The following NKAIN3 variants were observed in gnomAD, a reference collection of about 807,000 sequenced individuals.
NKAIN3 encodes the protein sodium/potassium transporting ATPase interacting 3.
A neutral mutation model predicts 30.2 loss-of-function variants in NKAIN3; 25 were observed. That is an observed-to-expected ratio of 0.83 (90% CI 0.60 to 1.16). The LOEUF is 1.16. Ranked by LOEUF, NKAIN3 falls within the 50% of genes most tolerant of loss-of-function variation. NKAIN3 has a pLI of 0.00. For missense variants in NKAIN3, 225 were observed against 254.1 expected (o/e 0.89, Z 0.78); for synonymous variants, 91 against 89.6 (o/e 1.02, Z -0.09).
At chr8:62,760,137 A>G (rs894909221) in intron 4 of NKAIN3, among the ~76,000 whole-genome samples, 1 of 152,134 alleles carries the variant, frequency 6.6e-6, no homozygotes, top group African/African-American at 2.4e-5. Flanking sequence ...CAGATGCTGG[A>G]GATGATGTGG....
chr8:62,947,848 C>A (rs1823168619), intron 5 of NKAIN3, among the ~76,000 whole-genome samples: 1 of 152,200 alleles, frequency 6.6e-6, no homozygotes, highest in African/African-American at 2.4e-5. Flanking sequence ...GAATGCACCA[C>A]CTCAGAAGCT....
chr8:62,875,405 G>A (rs924724782), intron 4 of NKAIN3, among the ~76,000 whole-genome samples: 2 of 152,016 alleles, frequency 1.3e-5, no homozygotes, highest in African/African-American at 4.8e-5. Context: ...ACTACCAAAA[G>A]TAATCTATAG....
intron 1 of NKAIN3, among the ~76,000 whole-genome samples, chr8:62,436,130 A>G (rs1322302905): frequency 6.6e-6 from 1 of 152,220 alleles, no homozygotes; most frequent in Non-Finnish European, 1.5e-5. Context: ...ACAAGTTGTC[A>G]GACTGCTCTC....
intron 1 of NKAIN3, among the ~76,000 whole-genome samples, chr8:62,534,765 C>A (rs1808600212): frequency 6.6e-6 from 1 of 152,048 alleles, no homozygotes; most frequent in Admixed American, 6.6e-5. Context: ...AACCACTGGT[C>A]TAGCAGAGAC....
Position 62,967,053 on chromosome 8 carries a change from T to C in NKAIN3, c.*1646T>C, listed in dbSNP as rs773397915. 3.9e-5 allele frequency among the ~76,000 whole-genome samples: 6 copies of C among 152,190 alleles called. No individual in the cohort carries two copies. The highest frequency in any genetic ancestry group is 7.3e-5 in the Non-Finnish European group (5 of 68,028). On this transcript the variant is annotated 3_prime_UTR_variant, in exon 7 of 7. Coordinates refer to ENST00000623646, the MANE Select transcript of NKAIN3 (RefSeq NM_001304533.3). ...CTCCAGATTTTACCCCTTTAATCCA[T>C]TGGTACCCACAAACTCCCATTACTT...
chr8:62,359,186 T>A (rs1816462514), intron 1 of NKAIN3, among the ~76,000 whole-genome samples: 1 of 152,088 alleles, frequency 6.6e-6, no homozygotes, highest in African/African-American at 2.4e-5. Flanking sequence ...CGTATCAAAA[T>A]ATATATATTA....
chr8:62,995,377 T>TAAG (rs1804085760), intron 5 of NKAIN3, among the ~76,000 whole-genome samples: 1 of 152,166 alleles, frequency 6.6e-6, no homozygotes, highest in African/African-American at 2.4e-5. Context: ...TAAACAAGGC[T>TAAG]AAGAAGCAAG....
intron 4 of NKAIN3, among the ~76,000 whole-genome samples, chr8:62,748,331 G>A (rs1438591063): frequency 6.6e-6 from 1 of 152,058 alleles, no homozygotes; most frequent in Non-Finnish European, 1.5e-5. Context: ...CATGCACATG[G>A]CTTCTCTTTC....
At chr8:62,558,940 G>T (rs914721091) in intron 1 of NKAIN3, among the ~76,000 whole-genome samples, 3 of 151,976 alleles carry the variant, frequency 2.0e-5, no homozygotes, top group African/African-American at 7.2e-5. Flanking sequence ...TTTGAAGATA[G>T]CTTAATTAGA....
At chr8:62,849,713 T>C (rs1819821711) in intron 4 of NKAIN3, among the ~76,000 whole-genome samples, 1 of 151,262 alleles carries the variant, frequency 6.6e-6, no homozygotes, top group Non-Finnish European at 1.5e-5. Flanking sequence ...TGTTTGGTTT[T>C]TTGTCCTTCC....
chr8:62,736,332 T>G (rs1305143205), intron 3 of NKAIN3, among the ~76,000 whole-genome samples: 1 of 152,054 alleles, frequency 6.6e-6, no homozygotes, highest in African/African-American at 2.4e-5. Flanking sequence ...GAGGTCAAAC[T>G]CTCCTTGGGC....
chr8:62,627,331 T>C (rs910128112), intron 3 of NKAIN3, among the ~76,000 whole-genome samples: 1 of 152,172 alleles, frequency 6.6e-6, no homozygotes, highest in Non-Finnish European at 1.5e-5. Flanking sequence ...ATCATTCAAA[T>C]GCTTATGTCC....
At chr8:62,442,655 T>G (rs1805362809) in intron 1 of NKAIN3, among the ~76,000 whole-genome samples, 2 of 151,882 alleles carry the variant, frequency 1.3e-5, no homozygotes, top group Admixed American at 6.6e-5. Flanking sequence ...ATTTTTTATG[T>G]TTTTTATAAT....
intron 1 of NKAIN3, among the ~76,000 whole-genome samples, chr8:62,504,263 A>T (rs1807561600): frequency 6.6e-6 from 1 of 152,174 alleles, no homozygotes; most frequent in Non-Finnish European, 1.5e-5. Context: ...CTTCCACAAA[A>T]CCAGTCCGTA....
intron 1 of NKAIN3, among the ~76,000 whole-genome samples, chr8:62,413,692 A>G (rs1563387810): frequency 2.0e-5 from 3 of 152,160 alleles, no homozygotes; most frequent in Admixed American, 1.3e-4. Context: ...TTTTCTTCAT[A>G]AAGAAAATGT....
chr8:62,919,227 ATTTTTTTTTTTTTTT>A (rs71255371), intron 5 of NKAIN3, among the ~76,000 whole-genome samples: 2 of 47,188 alleles, frequency 4.2e-5, no homozygotes, highest in East Asian at 6.2e-4. Flanking sequence ...TACTTTCAAA[ATTTTTTTTTTTTTTT>A]TTTTTTTTTT....
At chr8:62,627,361 A>T (rs1439037485) in intron 3 of NKAIN3, among the ~76,000 whole-genome samples, 1 of 152,092 alleles carries the variant, frequency 6.6e-6, no homozygotes, top group Non-Finnish European at 1.5e-5. Context: ...CTAAGTGCTT[A>T]TTTACAGCCT....
intron 1 of NKAIN3, among the ~76,000 whole-genome samples, chr8:62,497,579 T>C (rs535361496): frequency 6.6e-6 from 1 of 152,038 alleles, no homozygotes; most frequent in Non-Finnish European, 1.5e-5. Context: ...TGGTTCCAGG[T>C]GTATTTTCAA....
rs71559381 is a variant in NKAIN3 at position 62,883,457 on chromosome 8, GT to G, written c.472-34980del. On this transcript the variant is annotated intron_variant, in intron 4 of 6. Coordinates refer to ENST00000623646, the MANE Select transcript of NKAIN3 (RefSeq NM_001304533.3). ...TTTATTATTTCCAGGAGTTTTATGG[GT>G]TTTTTTTTTTTTTTTCAGATTTTCT... Among the ~76,000 whole-genome samples the G allele has an allele frequency of 8.5e-3, 594 of 70,224 alleles. 32 individuals carry two copies. The highest frequency in any genetic ancestry group is 0.016 in the Admixed American group (88 of 5,336). The allele number at this position is 70,224 out of a possible 152,430, so 46.1% of individuals were successfully genotyped here.
Sources: gnomAD v4.1 joint callset for allele counts (sites outside exome capture counted in the v4.1 genomes callset) on GRCh38, gnomAD v4.1.1 for gene constraint, MANE v1.5 for transcripts, NCBI Gene and HGNC (gene_info 2026-07-23, HGNC 2026-07-21) for gene names.